THSD4: variants seen among roughly 807,000 people sequenced by gnomAD.
The protein encoded by THSD4 is thrombospondin type-1 domain-containing protein 4.
Under a neutral mutation model 119.0 loss-of-function variants are expected in THSD4, and 69 were observed. The ratio of observed to expected loss-of-function variants is 0.58; its 90% CI spans 0.48 to 0.71. THSD4 has a LOEUF of 0.71. Among genes scored for constraint, THSD4 ranks in the 30% least tolerant of loss-of-function variants. THSD4 has a pLI of 0.00. For missense variants in THSD4, 1,393 were observed against 1,391.1 expected, an observed-to-expected ratio of 1.00 and a Z score of -0.02; for synonymous variants, 524 against 540.4, an observed-to-expected ratio of 0.97 and a Z score of 0.42.
intron 7 of THSD4, among the ~76,000 whole-genome samples, chr15:71,442,666 A>T (rs7497031): frequency 3.2e-5 from 1 of 30,784 alleles, no homozygotes; most frequent in South Asian, 1.5e-3. Context: ...GTGTGTATAT[A>T]TATATATATA....
chr15:71,518,153 G>A (rs2048387190), intron 7 of THSD4, among the ~76,000 whole-genome samples: 1 of 152,186 alleles, frequency 6.6e-6, no homozygotes, highest in Non-Finnish European at 1.5e-5. Context: ...TTCCTTAGGA[G>A]TACAAAATTG....
chr15:71,634,491 C>G (rs1345822120), intron 7 of THSD4, among the ~76,000 whole-genome samples: 4 of 152,242 alleles, frequency 2.6e-5, no homozygotes, highest in African/African-American at 4.8e-5. Context: ...ACAAGCACAT[C>G]TGCGTCCCAA....
At chr15:71,271,833 C>T (rs1292467239) in intron 6 of THSD4, among the ~76,000 whole-genome samples, 22 of 152,092 alleles carry the variant, frequency 1.4e-4, no homozygotes, top group Admixed American at 1.4e-3. Flanking sequence ...AACTATACAA[C>T]TACTAGGAGA....
chr15:71,699,833 T>G (rs1272245692), intron 8 of THSD4, among the ~76,000 whole-genome samples: 2 of 152,216 alleles, frequency 1.3e-5, no homozygotes, highest in Non-Finnish European at 2.9e-5. Context: ...GTCGGTTCAT[T>G]TTAGGATATC....
At chr15:71,736,061 ATC>A (rs1302022640) in intron 10 of THSD4, among the ~76,000 whole-genome samples, 2 of 67,540 alleles carry the variant, frequency 3.0e-5, no homozygotes, top group African/African-American at 1.3e-4. Context: ...TTCTGTCTCT[ATC>A]TCTCTGTCTC....
At chr15:71,576,383 C>T (rs1030205844) in intron 7 of THSD4, among the ~76,000 whole-genome samples, 4 of 152,134 alleles carry the variant, frequency 2.6e-5, no homozygotes, top group African/African-American at 9.7e-5. Context: ...GTTTAAGGAA[C>T]ATTCTCCTTC....
chr15:71,560,480 C>T (rs980778534), intron 7 of THSD4, among the ~76,000 whole-genome samples: 1 of 152,158 alleles, frequency 6.6e-6, no homozygotes, highest in African/African-American at 2.4e-5. Context: ...ATATCACACT[C>T]TTTTGTGAGA....
In THSD4 at chr15:71,459,330, CTCTCTCTG is replaced by C. The variant is rs1385041413; in HGVS notation, c.1152+47523_1152+47530del. The stretch of plus-strand genomic sequence containing the variant: ...TGTGCCACCATGCCCAACTATCTCT[CTCTCTCTG>C]TCTCTCTGTCTCTCTCTCTCTCTCT... On this transcript the variant is annotated intron_variant, in intron 7 of 17. Transcript: ENST00000261862. Among the ~76,000 whole-genome samples the C allele has an allele frequency of 5.9e-3, 827 of 139,064 alleles. 6 individuals are homozygous for C. Among genetic ancestry groups the C allele is most frequent in the African/African-American group, 0.019 (768 of 39,722 alleles). The allele number at this position is 139,064 out of a possible 152,430, so 91.2% of individuals were successfully genotyped here.
chr15:71,287,589 C>G (rs540085980), intron 6 of THSD4, among the ~76,000 whole-genome samples: 1 of 152,228 alleles, frequency 6.6e-6, no homozygotes, highest in East Asian at 1.9e-4. Context: ...TGGGAAAAGC[C>G]CTTAGCCAGA....
chr15:71,377,582 A>G (rs750235767), intron 6 of THSD4, among the ~76,000 whole-genome samples: 1 of 152,078 alleles, frequency 6.6e-6, no homozygotes, highest in East Asian at 1.9e-4. Context: ...GGTCGTCTGC[A>G]GTGTTAGTGC....
chr15:71,623,280 A>G (rs58645106), intron 7 of THSD4, among the ~76,000 whole-genome samples: 5,092 of 152,256 alleles, frequency 0.033, 315 homozygotes, highest in African/African-American at 0.12. Context: ...GACAACAACT[A>G]CCATTTATTG....
At chr15:71,737,508 G>T (rs1327715354) in intron 10 of THSD4, among the ~76,000 whole-genome samples, 1 of 152,176 alleles carries the variant, frequency 6.6e-6, no homozygotes, top group Non-Finnish European at 1.5e-5. Context: ...CACAATTCCT[G>T]TTCCTACTGC....
At chr15:71,137,404 C>G (rs1024436803) in intron 1 of THSD4, among the ~76,000 whole-genome samples, 1 of 152,214 alleles carries the variant, frequency 6.6e-6, no homozygotes, top group African/African-American at 2.4e-5. Context: ...TAATTCCCCA[C>G]AATCACAGTT....
rs2053938051 is a variant in THSD4, at chr15:71,777,588, C to G, written c.*214C>G. ...GCCACAGTCAGTCCTTTAAGCATCA[C>G]CATGTACTGATGATCCCCTCCTTGG... On this transcript the variant is annotated 3_prime_UTR_variant, in exon 18 of 18. Coordinates refer to ENST00000261862, the MANE Select transcript of THSD4 (RefSeq NM_024817.3). 1.6e-6 allele frequency: 1 copy of G among 611,344 alleles called. No homozygotes were observed. Among genetic ancestry groups the G allele is most frequent in the African/African-American group, 1.9e-5 (1 of 54,026 alleles). 37.9% of individuals were successfully genotyped at this position (611,344 alleles called of 1,614,324 possible).
intron 7 of THSD4, among the ~76,000 whole-genome samples, chr15:71,628,477 C>G (rs529275475): frequency 6.6e-6 from 1 of 152,296 alleles, no homozygotes; most frequent in African/African-American, 2.4e-5. Context: ...GAATTTGAAG[C>G]AAGGTGCACC....
At chr15:71,582,539 T>A (rs2049579814) in intron 7 of THSD4, among the ~76,000 whole-genome samples, 1 of 152,064 alleles carries the variant, frequency 6.6e-6, no homozygotes, top group Non-Finnish European at 1.5e-5. Context: ...GTGGCAAGAG[T>A]GGACATCCTT....
chr15:71,701,008 A>G (rs1476343236), intron 8 of THSD4, among the ~76,000 whole-genome samples: 3 of 152,136 alleles, frequency 2.0e-5, no homozygotes, highest in Non-Finnish European at 4.4e-5. Context: ...TGGCCTCTAT[A>G]AGCATTAAAA....
At chr15:71,384,651 A>G (rs1018038065) in intron 6 of THSD4, among the ~76,000 whole-genome samples, 1 of 152,252 alleles carries the variant, frequency 6.6e-6, no homozygotes, top group Admixed American at 6.5e-5. Flanking sequence ...TCTTAGAAGC[A>G]TCTGCACATC....
At chr15:71,180,178 A>T (rs1351638072) in intron 3 of THSD4, among the ~76,000 whole-genome samples, 3 of 151,718 alleles carry the variant, frequency 2.0e-5, no homozygotes, top group Admixed American at 6.6e-5. Flanking sequence ...AAATAAAAAA[A>T]AAAAAAGACA....
Sources: allele counts gnomAD v4.1 joint callset (sites outside exome capture counted in the v4.1 genomes callset), GRCh38; gene constraint gnomAD v4.1.1; transcripts MANE v1.5; gene names NCBI Gene and HGNC (gene_info 2026-07-23, HGNC 2026-07-21).